Variants in TNKS observed in about 807,000 individuals in gnomAD.
TNKS encodes the protein poly [ADP-ribose] polymerase tankyrase-1.
Under a neutral mutation model 135.8 loss-of-function variants are expected in TNKS, and 72 were observed. The observed-to-expected ratio is 0.53, with a 90% CI of 0.44 to 0.64. The LOEUF is 0.64. TNKS is among the 30% of genes least tolerant of loss of function. TNKS has a pLI of 0.00. For missense variants in TNKS, 1,769 were observed against 1,674.0 expected, an observed-to-expected ratio of 1.06 and a Z score of -0.99; for synonymous variants, 849 against 649.3, an observed-to-expected ratio of 1.31 and a Z score of -4.68.
intron 3 of TNKS, among the ~76,000 whole-genome samples, chr8:9,651,090 T>C (rs1390556164): frequency 6.6e-6 from 1 of 152,150 alleles, no homozygotes; most frequent in East Asian, 1.9e-4. Context: ...CTTCACCGTA[T>C]GTTTTTGTTT....
chr8:9,565,531 C>T (rs986214205), intron 1 of TNKS, among the ~76,000 whole-genome samples: 1 of 152,064 alleles, frequency 6.6e-6, no homozygotes, highest in Non-Finnish European at 1.5e-5. Flanking sequence ...ACTCAAAAAA[C>T]CTTAAAGCTA....
chr8:9,630,375 A>C (rs1800241439), intron 3 of TNKS, among the ~76,000 whole-genome samples: 1 of 152,190 alleles, frequency 6.6e-6, no homozygotes, highest in African/African-American at 2.4e-5. Context: ...AATATTAGGG[A>C]GGCAAGCTGG....
chr8:9,567,437 A>G (rs1472244744), intron 1 of TNKS, among the ~76,000 whole-genome samples: 1 of 152,104 alleles, frequency 6.6e-6, no homozygotes, highest in East Asian at 1.9e-4. Context: ...TTTTTTTGAG[A>G]CGGAGTCTCG....
intron 1 of TNKS, chr8:9,566,565 A>T: frequency 6.6e-6 from 1 of 151,118 alleles, no homozygotes; most frequent in South Asian, 2.1e-4. Context: ...TAAGTACATA[A>T]ATATTAATCC....
chr8:9,776,483 T>C (rs1808231913), intron 26 of TNKS, among the ~76,000 whole-genome samples, 167 bp from the exon 27 acceptor site: 1 of 152,186 alleles, frequency 6.6e-6, no homozygotes, highest in African/African-American at 2.4e-5. Flanking sequence ...TACACATTTA[T>C]TTACAGTTAA....
chr8:9,745,187 A>G (rs907079259), intron 17 of TNKS, among the ~76,000 whole-genome samples: 1 of 152,182 alleles, frequency 6.6e-6, no homozygotes, highest in African/African-American at 2.4e-5. Context: ...AATAAGGGAG[A>G]TAAATTACTA....
intron 6 of TNKS, 52 bp downstream of exon 6, chr8:9,704,809 C>CTA (rs1250840641): frequency 2.8e-6 from 4 of 1,447,018 alleles, no homozygotes; most frequent in Non-Finnish European, 3.9e-6. Context: ...GTCTGATACT[C>CTA]TAAACTTTTA....
At chr8:9,774,465 G>C (rs189858560) in intron 26 of TNKS, among the ~76,000 whole-genome samples, 18 of 152,288 alleles carry the variant, frequency 1.2e-4, no homozygotes, top group Non-Finnish European at 2.4e-4. Flanking sequence ...AGAAGTGGTT[G>C]TGTATTTAAA....
intron 3 of TNKS, among the ~76,000 whole-genome samples, chr8:9,659,809 G>A (rs1251084790): frequency 2.0e-5 from 3 of 151,974 alleles, no homozygotes; most frequent in Non-Finnish European, 4.4e-5. Context: ...CTGGTTTTTT[G>A]GAAAGATCAA....
intron 2 of TNKS, among the ~76,000 whole-genome samples, chr8:9,603,030 C>G (rs918877141): frequency 1.3e-5 from 2 of 151,972 alleles, no homozygotes; most frequent in African/African-American, 4.8e-5. Flanking sequence ...ATAACTGAAT[C>G]AACTATCAAT....
chr8:9,761,891 T>G lies in TNKS; in HGVS notation c.3274+255T>G, dbSNP rs1807167460. ...CTGTACTTCTGTCCTTTCCCATGAC[T>G]GTCACTTGATCCAAGCCACCATTCT... On this transcript the variant is annotated intron_variant, in intron 21 of 26. Coordinates refer to ENST00000310430, the MANE Select transcript of TNKS (RefSeq NM_003747.3). Among the ~76,000 whole-genome samples, 11 of 152,348 alleles carry G rather than the reference T, an allele frequency of 7.2e-5. 1 individual carries two copies. The South Asian group carries it at 2.3e-3, about 32-fold the overall frequency.
intron 9 of TNKS, among the ~76,000 whole-genome samples, chr8:9,708,942 A>T (rs553823722): frequency 5.3e-5 from 8 of 152,286 alleles, no homozygotes; most frequent in African/African-American, 1.7e-4. Flanking sequence ...TGGCAAGATC[A>T]TGAATTTTTT....
In TNKS at chr8:9,583,679, G is replaced by C. The variant is rs528511183; in HGVS notation, c.898+3296G>C. Among the ~76,000 whole-genome samples, 8 of 152,000 alleles carry C rather than the reference G, an allele frequency of 5.3e-5. No homozygotes were observed. The South Asian group carries it at 1.5e-3, about 28-fold the overall frequency. On this transcript the variant is annotated intron_variant, in intron 2 of 26. Coordinates refer to ENST00000310430, the MANE Select transcript of TNKS (RefSeq NM_003747.3). ...AAGTTTTGTATTTTTATTAGAGACAGGGTTTGACCATGTTGGCCAGGATGC... is the reference window on the plus strand; with the variant it reads ...AAGTTTTGTATTTTTATTAGAGACACGGTTTGACCATGTTGGCCAGGATGC...
chr8:9,701,063 C>T (rs529596999), intron 5 of TNKS, among the ~76,000 whole-genome samples: 14 of 151,348 alleles, frequency 9.3e-5, no homozygotes, highest in Admixed American at 3.3e-4. Context: ...CCTCCCAAGT[C>T]GCTGGGACTA....
intron 22 of TNKS, among the ~76,000 whole-genome samples, chr8:9,764,440 T>C (rs1464676332): frequency 6.6e-6 from 1 of 152,180 alleles, no homozygotes; most frequent in South Asian, 2.1e-4. Flanking sequence ...TAAGATAAGA[T>C]AGTAATTGTA....
intron 3 of TNKS, among the ~76,000 whole-genome samples, chr8:9,676,006 ATTTTTTTTT>A (rs760646836): frequency 3.1e-5 from 4 of 130,842 alleles, no homozygotes; most frequent in African/African-American, 1.2e-4. Context: ...AAAAGTCAGA[ATTTTTTTTT>A]TTTTTTTTTT....
chr8:9,666,178 C>T (rs1801978043), intron 3 of TNKS, among the ~76,000 whole-genome samples: 1 of 152,178 alleles, frequency 6.6e-6, no homozygotes, highest in South Asian at 2.1e-4. Flanking sequence ...AGCACAAAGC[C>T]ACTCGTCACA....
chr8:9,567,000 C>G (rs757216692), intron 1 of TNKS, among the ~76,000 whole-genome samples: 19 of 152,318 alleles, frequency 1.2e-4, no homozygotes, highest in Non-Finnish European at 2.4e-4. Flanking sequence ...GTCGTAAAAT[C>G]ATTTGGTCTG....
intron 2 of TNKS, among the ~76,000 whole-genome samples, chr8:9,581,987 A>C (rs1798185805): frequency 6.6e-6 from 1 of 152,180 alleles, no homozygotes; most frequent in South Asian, 2.1e-4. Context: ...TATTGTCTTC[A>C]TTCTGTTTAA....
Sources: allele counts gnomAD v4.1 joint callset (sites outside exome capture counted in the v4.1 genomes callset), GRCh38; gene constraint gnomAD v4.1.1; transcripts MANE v1.5; gene names NCBI Gene and HGNC (gene_info 2026-07-23, HGNC 2026-07-21).